MCFD2: variants seen among roughly 807,000 people sequenced by gnomAD.
The protein encoded by MCFD2 is multiple coagulation factor deficiency protein 2.
MCFD2 carries 11 observed loss-of-function variants against 12.8 expected under a neutral mutation model. The ratio of observed to expected loss-of-function variants is 0.86; its 90% CI spans 0.54 to 1.42. The LOEUF is 1.42. Ranked by LOEUF, MCFD2 falls within the 40% of genes most tolerant of loss-of-function variation. The pLI is 0.00. For missense variants in MCFD2, 191 were observed against 178.6 expected, an observed-to-expected ratio of 1.07 and a Z score of -0.40; for synonymous variants, 70 against 68.1, an observed-to-expected ratio of 1.03 and a Z score of -0.14.
intron 1 of MCFD2, among the ~76,000 whole-genome samples, chr2:46,912,091 T>C (rs1371192593): frequency 6.6e-6 from 1 of 152,166 alleles, no homozygotes; most frequent in African/African-American, 2.4e-5. Context: ...ATCCCAACAC[T>C]TCGGGAGGCC....
chr2:46,933,303 C>T (rs1669808500), intron 1 of MCFD2, among the ~76,000 whole-genome samples: 1 of 152,176 alleles, frequency 6.6e-6, no homozygotes, highest in Non-Finnish European at 1.5e-5. Context: ...AAGTGAGTGG[C>T]TGGGGATAAA....
intron 1 of MCFD2, among the ~76,000 whole-genome samples, chr2:46,927,036 C>T (rs143041195): frequency 2.2e-3 from 330 of 151,062 alleles, no homozygotes; most frequent in African/African-American, 7.8e-3. Flanking sequence ...GAAAATATGC[C>T]AGAGGAAACT....
intron 1 of MCFD2, among the ~76,000 whole-genome samples, chr2:46,930,225 G>A (rs1041490458): frequency 4.0e-5 from 6 of 151,792 alleles, no homozygotes; most frequent in Admixed American, 3.3e-4. Context: ...ACAAAAACTG[G>A]TTCTTTTTTC....
intron 1 of MCFD2, among the ~76,000 whole-genome samples, chr2:46,913,104 C>G (rs1458950860): frequency 1.3e-5 from 2 of 152,142 alleles, no homozygotes; most frequent in Non-Finnish European, 2.9e-5. Flanking sequence ...AATATCCCTT[C>G]TTTAAGGGAG....
At chr2:46,920,356 G>A (rs1007593568), upstream of MCFD2, among the ~76,000 whole-genome samples, 6 of 151,828 alleles carry the variant, frequency 4.0e-5, no homozygotes, top group African/African-American at 7.3e-5. Flanking sequence ...TTGAGACAGA[G>A]TCTTGCTCAA....
At chr2:46,920,124 T>G (rs1669022991), upstream of MCFD2, among the ~76,000 whole-genome samples, 1 of 152,232 alleles carries the variant, frequency 6.6e-6, no homozygotes, top group Non-Finnish European at 1.5e-5. Context: ...TCACTCCTAA[T>G]GAAAAGTCTG....
rs141799723 is a variant in MCFD2, at chr2:46,907,372, C to CTT, written c.309+436_309+437dup. 4 of 196,504 alleles carry CTT rather than the reference C, an allele frequency of 2.0e-5. No individual in the cohort carries two copies. The highest frequency in any genetic ancestry group is 5.4e-5 in the Admixed American group (1 of 18,458). 12.2% of individuals were successfully genotyped at this position (196,504 alleles called of 1,614,324 possible). A position where few individuals can be genotyped will look rare whatever the true frequency, so the allele number is the denominator to read the frequency against. On this transcript the variant is annotated intron_variant, in intron 3 of 3. Coordinates refer to ENST00000319466, the MANE Select transcript of MCFD2 (RefSeq NM_139279.6). This position sits in a 1 kb window ranked among gnomAD's most constrained non-coding sequence, Gnocchi z 4.1. The stretch of plus-strand genomic sequence containing the variant: ...ACAGAAGAGAAAGAAGCAGCAGCAC[C>CTT]TTTTTTTTTCTTTTCTTTTTTTCTC...
chr2:46,918,948 C>T (rs1218444699), upstream of MCFD2, among the ~76,000 whole-genome samples: 1 of 152,208 alleles, frequency 6.6e-6, no homozygotes, highest in Non-Finnish European at 1.5e-5. Flanking sequence ...ACCCCATTTA[C>T]TTTGTGTACT....
rs1338684262 is a variant in MCFD2, at chr2:46,940,042, C to T, written c.-8+1530G>A. ...TTTAGAACCCGGAGAGGAGGGCCTC[C>T]ACATGGGAGTCGGGGGTCAGTGGGA... On this transcript the variant is annotated intron_variant, in intron 1 of 2. Transcript: ENST00000409147. The surrounding 1 kb of genome is among the most constrained non-coding windows in gnomAD (Gnocchi z 4.7). Among the ~76,000 whole-genome samples the T allele has an allele frequency of 6.6e-6, 1 of 152,144 alleles. No homozygotes were observed. The highest frequency in any genetic ancestry group is 1.9e-4 in the East Asian group (1 of 5,188).
In MCFD2 at chr2:46,902,064, T is replaced by G. The variant is rs1419572904; in HGVS notation, c.*3399A>C. 2 of 152,692 alleles carry G rather than the reference T, an allele frequency of 1.3e-5. No individual in the cohort carries two copies. Among genetic ancestry groups the G allele is most frequent in the Non-Finnish European group, 2.9e-5 (2 of 68,046 alleles). The allele number at this position is 152,692 out of a possible 1,614,324, so 9.5% of individuals were successfully genotyped here. A position where few individuals can be genotyped will look rare whatever the true frequency, so the allele number is the denominator to read the frequency against. ...AATAAAGAAAATAAGTCTGTATACA[T>G]CCTACGACAAATTTTGTAGTCTCTT... On this transcript the variant is annotated 3_prime_UTR_variant, in exon 4 of 4. Transcript: ENST00000319466.
At chr2:46,915,888 C>T (rs1668750319), upstream of MCFD2, 2 of 984,914 alleles carry the variant, frequency 2.0e-6, no homozygotes, top group African/African-American at 1.7e-5. Flanking sequence ...GGGCCCCTCC[C>T]GCTGGCGGCG....
At chr2:46,913,276 G>A (rs1668559524) in intron 1 of MCFD2, among the ~76,000 whole-genome samples, 3 of 152,162 alleles carry the variant, frequency 2.0e-5, no homozygotes, top group Admixed American at 6.5e-5. Context: ...GGCTGGGCAT[G>A]GTGGCTTATG....
At position 46,905,230 on chromosome 2, in the gene MCFD2, A is replaced by T. The variant is rs1012783418; in HGVS notation, c.*233T>A. Reference sequence around the variant, plus strand: ...AATACAGACTAATACAGATGCTTGAAGCAAGCCCTTGTCCAATAAGGTATT... The same window carrying T: ...AATACAGACTAATACAGATGCTTGATGCAAGCCCTTGTCCAATAAGGTATT... On this transcript the variant is annotated 3_prime_UTR_variant, in exon 4 of 4. Coordinates refer to ENST00000319466, the MANE Select transcript of MCFD2 (RefSeq NM_139279.6). The T allele has an allele frequency of 1.9e-6, 1 of 537,882 alleles. No homozygotes were observed. The highest frequency in any genetic ancestry group is 3.4e-6 in the Non-Finnish European group (1 of 294,692). 33.3% of individuals were successfully genotyped at this position (537,882 alleles called of 1,614,324 possible).
At chr2:46,917,052 C>G (rs905199027), upstream of MCFD2, 1 of 624,780 alleles carries the variant, frequency 1.6e-6, no homozygotes, top group Admixed American at 2.7e-5. Flanking sequence ...TAGTTAGATG[C>G]CTTGAAAGTT....
chr2:46,935,505 G>A (rs1261354662), intron 1 of MCFD2, among the ~76,000 whole-genome samples: 1 of 152,168 alleles, frequency 6.6e-6, no homozygotes, highest in Non-Finnish European at 1.5e-5. Context: ...ACTCTGTCAG[G>A]GTAGTGTTCT....
intron 1 of MCFD2, among the ~76,000 whole-genome samples, chr2:46,923,847 C>G (rs1222660651): frequency 3.9e-5 from 6 of 152,114 alleles, no homozygotes; most frequent in Non-Finnish European, 5.9e-5. Context: ...AATCTCTTGC[C>G]TCAGCCTCCA....
In MCFD2 at chr2:46,904,903, CAACTT is replaced by C. The variant is rs2103731214; in HGVS notation, c.*555_*559del. Reference sequence around the variant, plus strand: ...TTTGGCTATGTCCCCACCCAAATCTCAACTTGAAATTGTATCTACCAGAATTCCCA... The same window carrying C: ...TTTGGCTATGTCCCCACCCAAATCTCGAAATTGTATCTACCAGAATTCCCA... On this transcript the variant is annotated 3_prime_UTR_variant, in exon 4 of 4. Coordinates refer to ENST00000319466, the MANE Select transcript of MCFD2 (RefSeq NM_139279.6). 1 of 191,718 alleles carries C rather than the reference CAACTT, an allele frequency of 5.2e-6. No homozygotes were observed. The highest frequency in any genetic ancestry group is 1.0e-4 in the South Asian group (1 of 9,922). The allele number at this position is 191,718 out of a possible 1,614,324, so 11.9% of individuals were successfully genotyped here.
rs1359747973 is a variant in MCFD2 at position 46,940,438 on chromosome 2, A to G, written c.-8+1134T>C. Among the ~76,000 whole-genome samples, 1 of 152,024 alleles carries G rather than the reference A, an allele frequency of 6.6e-6. No individual in the cohort carries two copies. Among genetic ancestry groups the G allele is most frequent in the African/African-American group, 2.4e-5 (1 of 41,396 alleles). On this transcript the variant is annotated intron_variant, in intron 1 of 2. Transcript: ENST00000409147. The surrounding 1 kb of genome is among the most constrained non-coding windows in gnomAD (Gnocchi z 4.7). ...GTAAGAGGTCTCCCCCCAAGGGTGG[A>G]CCTCGGCTGCCCCCGCTAGGCCCCG... is the stretch of plus-strand genomic sequence containing the variant.
intron 1 of MCFD2, among the ~76,000 whole-genome samples, chr2:46,939,326 G>T (rs1670137838): frequency 6.6e-6 from 1 of 152,052 alleles, no homozygotes; most frequent in East Asian, 1.9e-4. Context: ...AGGCCAAGGT[G>T]GGTTCTTGTT....
Sources: gnomAD v4.1 joint callset for allele counts (sites outside exome capture counted in the v4.1 genomes callset) on GRCh38, gnomAD v4.1.1 for gene constraint, Gnocchi (gnomAD v3.1) non-coding constraint, MANE v1.5 for transcripts, NCBI Gene and HGNC (gene_info 2026-07-23, HGNC 2026-07-21) for gene names.